The following TSPAN14 variants were observed in gnomAD, a reference collection of about 807,000 sequenced individuals.
TSPAN14 encodes tetraspanin 14, also known as tetraspanin-14.
In TSPAN14, 16 loss-of-function variants were observed where a neutral mutation model predicts 36.6. That is an observed-to-expected ratio of 0.44 (90% CI 0.30 to 0.66). The LOEUF is 0.66. Among genes scored for constraint, TSPAN14 ranks in the 30% least tolerant of loss-of-function variants. The pLI is 0.12. For missense variants in TSPAN14, 231 were observed against 355.1 expected (o/e 0.65, Z 2.81); for synonymous variants, 139 against 143.8 (o/e 0.97, Z 0.24).
intron 1 of TSPAN14, among the ~76,000 whole-genome samples, chr10:80,456,696 G>T (rs1460596884): frequency 6.6e-6 from 1 of 152,252 alleles, no homozygotes; most frequent in East Asian, 1.9e-4. Context: ...TTATTTCATA[G>T]TGATACTAAT....
chr10:80,490,465 A>G (rs1400950445), intron 2 of TSPAN14, among the ~76,000 whole-genome samples: 1 of 152,232 alleles, frequency 6.6e-6, no homozygotes, highest in African/African-American at 2.4e-5. Context: ...TGGTAAAGGG[A>G]AGACCAGGAG....
At chr10:80,479,260 G>T (rs1847103539) in intron 1 of TSPAN14, among the ~76,000 whole-genome samples, 1 of 150,716 alleles carries the variant, frequency 6.6e-6, no homozygotes, top group South Asian at 2.1e-4. Flanking sequence ...CACTCTGATG[G>T]TAGTTTCTTT....
At chr10:80,455,101 G>T (rs901119703) in intron 1 of TSPAN14, among the ~76,000 whole-genome samples, 4 of 152,172 alleles carry the variant, frequency 2.6e-5, no homozygotes, top group South Asian at 2.1e-4. Flanking sequence ...GTCCCGGGCC[G>T]CTGCTGCTTC....
intron 1 of TSPAN14, among the ~76,000 whole-genome samples, chr10:80,482,299 T>G (rs921801355): frequency 6.6e-6 from 1 of 152,194 alleles, no homozygotes; most frequent in African/African-American, 2.4e-5. Flanking sequence ...TGATTTTTAT[T>G]TTTTTGAGAT....
chr10:80,455,466 G>A (rs1188345296), intron 1 of TSPAN14, among the ~76,000 whole-genome samples: 1 of 152,048 alleles, frequency 6.6e-6, no homozygotes, highest in Non-Finnish European at 1.5e-5. Context: ...CCTCCCTTCC[G>A]AGAGGGAGTT....
exon 9 of TSPAN14, chr10:80,519,272 A>G (rs1475667812): frequency 6.5e-6 from 1 of 152,716 alleles, no homozygotes; most frequent in Non-Finnish European, 1.5e-5. Flanking sequence ...CCCTAATGGG[A>G]TATCGGTGAT....
intron 1 of TSPAN14, among the ~76,000 whole-genome samples, chr10:80,458,369 G>C (rs1443532639): frequency 2.0e-5 from 3 of 152,180 alleles, no homozygotes; most frequent in Non-Finnish European, 2.9e-5. Context: ...ATTTTGAAGA[G>C]TCAGCCACAC....
chr10:80,495,854 A>G lies in TSPAN14; in HGVS notation c.81+6540A>G, dbSNP rs1312612829. On this transcript the variant is annotated intron_variant, in intron 2 of 8. Transcript: ENST00000429989. ...CAGCTGTACATGCCACATAATCACC[A>G]TCATCACAATGAAGATATAAAACAT... is the stretch of plus-strand genomic sequence containing the variant. Among the ~76,000 whole-genome samples the G allele has an allele frequency of 2.0e-5, 3 of 152,206 alleles. No individual in the cohort carries two copies. The East Asian group carries it at 5.8e-4, about 29-fold the overall frequency.
intron 1 of TSPAN14, among the ~76,000 whole-genome samples, chr10:80,455,506 C>G (rs972482088): frequency 2.6e-5 from 4 of 152,108 alleles, no homozygotes; most frequent in Admixed American, 2.6e-4. Context: ...AGTGGCCTGC[C>G]AAATCCTCAA....
intron 1 of TSPAN14, among the ~76,000 whole-genome samples, chr10:80,467,082 T>G (rs1454309039): frequency 6.6e-6 from 1 of 152,230 alleles, no homozygotes; most frequent in Non-Finnish European, 1.5e-5. Context: ...TGGCATGGCC[T>G]TCAGTCCTCT....
At chr10:80,512,088 G>A in intron 5 of TSPAN14, 56 bp from the exon 6 acceptor site, 3 of 1,611,656 alleles carry the variant, frequency 1.9e-6, no homozygotes, top group Non-Finnish European at 2.5e-6. Context: ...GCCCTATGCT[G>A]GGCAGCCATG....
In TSPAN14 at chr10:80,485,736, G is replaced by C. The variant is rs1021115557; in HGVS notation, c.-17-3481G>C. 19 of 967,282 alleles carry C rather than the reference G, an allele frequency of 2.0e-5. No homozygotes were observed. The African/African-American group carries it at 3.2e-4, about 16-fold the overall frequency. 59.9% of individuals were successfully genotyped at this position (967,282 alleles called of 1,614,324 possible). A position where few individuals can be genotyped will look rare whatever the true frequency, so the allele number is the denominator to read the frequency against. ...CCCTCCCTGTCCCGAGGTTAGGTGG[G>C]TGGCAGGGGTGGGAAAGCGGGGAGC... On this transcript the variant is annotated intron_variant, in intron 1 of 8. Transcript: ENST00000429989.
chr10:80,499,845 TCTC>T (rs1848394950), intron 2 of TSPAN14, among the ~76,000 whole-genome samples: 1 of 152,168 alleles, frequency 6.6e-6, no homozygotes, highest in African/African-American at 2.4e-5. Context: ...GAGGCTGGCC[TCTC>T]CTCAAGCTGG....
At chr10:80,461,937 A>G (rs1845993567) in intron 1 of TSPAN14, among the ~76,000 whole-genome samples, 1 of 150,174 alleles carries the variant, frequency 6.7e-6, no homozygotes, top group African/African-American at 2.5e-5. Flanking sequence ...TCCTTCAGAC[A>G]GGGTCTCACT....
intron 4 of TSPAN14, among the ~76,000 whole-genome samples, chr10:80,508,578 T>A (rs1156665392): frequency 2.0e-5 from 3 of 152,182 alleles, no homozygotes. Flanking sequence ...CACTGGCCCC[T>A]TGCAGAATGC....
chr10:80,514,799 A>G (rs951563549), intron 7 of TSPAN14, among the ~76,000 whole-genome samples: 6 of 152,132 alleles, frequency 3.9e-5, no homozygotes, highest in South Asian at 2.1e-4. Context: ...TTAAACTCCA[A>G]TGTGATGGTA....
intron 5 of TSPAN14, among the ~76,000 whole-genome samples, chr10:80,511,883 T>C (rs1840672356): frequency 1.3e-5 from 2 of 151,714 alleles, no homozygotes; most frequent in Non-Finnish European, 2.9e-5. Flanking sequence ...ACTCCTGGGC[T>C]CAAACCATCT....
chr10:80,465,729 A>G (rs1341397445), intron 1 of TSPAN14, among the ~76,000 whole-genome samples: 1 of 152,240 alleles, frequency 6.6e-6, no homozygotes, highest in Admixed American at 6.5e-5. Flanking sequence ...ACTCTCAGGC[A>G]CAAAGGATGC....
At chr10:80,506,475 G>T (rs1446970626) in intron 3 of TSPAN14, among the ~76,000 whole-genome samples, 1 of 152,182 alleles carries the variant, frequency 6.6e-6, no homozygotes, top group Non-Finnish European at 1.5e-5. Flanking sequence ...GGGGGCTGTG[G>T]TCTCTCCGGT....
Sources: allele counts gnomAD v4.1 joint callset (sites outside exome capture counted in the v4.1 genomes callset), GRCh38; gene constraint gnomAD v4.1.1; transcripts MANE v1.5; gene names NCBI Gene and HGNC (gene_info 2026-07-23, HGNC 2026-07-21).